PHIP: variants seen among roughly 807,000 people sequenced by gnomAD.
The protein encoded by PHIP is PHIP subunit of CUL4-Ring ligase complex.
PHIP carries 54 observed loss-of-function variants against 236.8 expected under a neutral mutation model. That is an observed-to-expected ratio of 0.23 (90% CI 0.18 to 0.29). The LOEUF is 0.29. PHIP is among the 10% of genes least tolerant of loss of function. The probability of loss-of-function intolerance (pLI) is 1.00; values close to 1 mark genes in which losing one functional copy is unlikely to be tolerated. For missense variants in PHIP, 1,370 were observed against 2,190.8 expected, an observed-to-expected ratio of 0.63 and a Z score of 7.48; for synonymous variants, 756 against 718.9, an observed-to-expected ratio of 1.05 and a Z score of -0.83.
At chr6:79,018,718 T>G (rs1296893918) in intron 10 of PHIP, among the ~76,000 whole-genome samples, 1 of 151,976 alleles carries the variant, frequency 6.6e-6, no homozygotes, top group Non-Finnish European at 1.5e-5. Flanking sequence ...TTTATTTTAC[T>G]TAACTATAGA....
intron 6 of PHIP, among the ~76,000 whole-genome samples, chr6:79,048,225 C>A (rs1330393520): frequency 6.6e-6 from 1 of 151,988 alleles, no homozygotes. Context: ...TACTACCAAA[C>A]TGACATCTTT....
At chr6:79,068,012 C>CA in intron 4 of PHIP, 1 of 158,700 alleles carries the variant, frequency 6.3e-6, no homozygotes. Context: ...CCTTCCCAGC[C>CA]AAAAAATTTT....
chr6:78,950,006 A>G (rs1189540010), intron 35 of PHIP, among the ~76,000 whole-genome samples: 1 of 152,004 alleles, frequency 6.6e-6, no homozygotes, highest in African/African-American at 2.4e-5. Context: ...CGAGTATAAT[A>G]AACTTTTTCC....
At chr6:79,052,467 T>G (rs1277191874) in intron 6 of PHIP, among the ~76,000 whole-genome samples, 3 of 152,332 alleles carry the variant, frequency 2.0e-5, no homozygotes, top group East Asian at 3.9e-4. Context: ...TTAGGTATTT[T>G]GGACTAAATT....
intron 3 of PHIP, 84 bp downstream of exon 3, chr6:79,077,616 C>T: frequency 1.1e-6 from 1 of 895,856 alleles, no homozygotes. Flanking sequence ...GCGCCCCGCG[C>T]CCTGCCGGCG....
chr6:79,025,764 T>C (rs1771371229), intron 8 of PHIP, 145 bp from the exon 9 acceptor site: 1 of 703,090 alleles, frequency 1.4e-6, no homozygotes, highest in East Asian at 2.7e-5. Flanking sequence ...AAAGTCCATA[T>C]ATTTATAAAG....
intron 27 of PHIP, 109 bp downstream of exon 27, chr6:78,969,726 C>A: frequency 1.8e-6 from 1 of 550,548 alleles, no homozygotes; most frequent in Non-Finnish European, 3.1e-6. Context: ...CTACAAATAG[C>A]AAAAAGATTT....
intron 10 of PHIP, among the ~76,000 whole-genome samples, chr6:79,018,727 G>C (rs1173232768): frequency 2.0e-5 from 3 of 151,688 alleles, no homozygotes; most frequent in Non-Finnish European, 4.4e-5. Flanking sequence ...CTTAACTATA[G>C]AATACCTTCA....
intron 15 of PHIP, among the ~76,000 whole-genome samples, chr6:79,007,981 T>C (rs985591019): frequency 2.0e-5 from 3 of 152,072 alleles, no homozygotes; most frequent in Non-Finnish European, 4.4e-5. Context: ...GGTGAAGCCC[T>C]GTCTCTACTA....
In PHIP at chr6:79,010,402, T is replaced by A. The variant is rs531249303; in HGVS notation, c.1524+4680A>T. ...TAGTGGACACTGGAACTTTTTTTTT[T>A]TAAAAAAATCTCTTAAGTAAAAGAA... On this transcript the variant is annotated intron_variant, in intron 15 of 39. Transcript: ENST00000275034. 7.2e-5 allele frequency among the ~76,000 whole-genome samples: 11 copies of A among 151,810 alleles called. No homozygotes were observed. In the East Asian group the frequency reaches 7.7e-4, roughly 11 times the overall value.
chr6:79,039,358 C>A (rs1772097220), intron 7 of PHIP, among the ~76,000 whole-genome samples: 1 of 152,130 alleles, frequency 6.6e-6, no homozygotes, highest in Non-Finnish European at 1.5e-5. Flanking sequence ...CCTAAGTCTG[C>A]AATATCCAAT....
chr6:79,077,625 C>T (rs1226842463), intron 3 of PHIP, 75 bp downstream of exon 3: 1 of 892,188 alleles, frequency 1.1e-6, no homozygotes, highest in Non-Finnish European at 1.3e-6. Flanking sequence ...GCCCTGCCGG[C>T]GGCGGCAGCG....
chr6:78,981,467 T>C (rs1392824755), intron 23 of PHIP, among the ~76,000 whole-genome samples: 6 of 152,036 alleles, frequency 3.9e-5, no homozygotes, highest in Admixed American at 3.9e-4. Context: ...CATAATTCTA[T>C]TGGCAGAGTC....
At chr6:79,011,218 G>A (rs1770557785) in intron 15 of PHIP, among the ~76,000 whole-genome samples, 1 of 151,864 alleles carries the variant, frequency 6.6e-6, no homozygotes, top group Non-Finnish European at 1.5e-5. Context: ...ACTTGCTTCA[G>A]TAAAATATCC....
intron 35 of PHIP, among the ~76,000 whole-genome samples, chr6:78,952,725 G>T (rs559865914): frequency 6.6e-6 from 1 of 151,946 alleles, no homozygotes; most frequent in East Asian, 1.9e-4. Flanking sequence ...TTCATTTCCA[G>T]GATTCTATTT....
intron 27 of PHIP, among the ~76,000 whole-genome samples, chr6:78,967,948 C>T (rs934964492): frequency 3.3e-5 from 5 of 151,806 alleles, no homozygotes; most frequent in South Asian, 2.1e-4. Context: ...TCCTGGCTAA[C>T]GCGGTGAAAC....
intron 24 of PHIP, among the ~76,000 whole-genome samples, chr6:78,972,041 C>A (rs1173456777): frequency 1.3e-5 from 2 of 152,118 alleles, no homozygotes; most frequent in Non-Finnish European, 2.9e-5. Flanking sequence ...TCAAGGAGGC[C>A]TGCCTGCCTC....
At chr6:78,982,073 A>G (rs1300046046) in intron 23 of PHIP, among the ~76,000 whole-genome samples, 1 of 152,028 alleles carries the variant, frequency 6.6e-6, no homozygotes, top group Non-Finnish European at 1.5e-5. Flanking sequence ...AATTCTACAA[A>G]CGACAATTTA....
chr6:78,983,191 A>T (rs1768651510), intron 22 of PHIP, 74 bp from the exon 23 acceptor site: 14 of 747,328 alleles, frequency 1.9e-5, no homozygotes, highest in Non-Finnish European at 2.7e-5. Context: ...AAACGAAAAG[A>T]AAGATTATAA....
Sources: gnomAD v4.1 joint callset for allele counts (sites outside exome capture counted in the v4.1 genomes callset) on GRCh38, gnomAD v4.1.1 for gene constraint, MANE v1.5 for transcripts, NCBI Gene and HGNC (gene_info 2026-07-23, HGNC 2026-07-21) for gene names.